RNF115: variants seen among roughly 807,000 people sequenced by gnomAD.
RNF115 encodes ring finger protein 115.
In RNF115, 31 loss-of-function variants were observed where a neutral mutation model predicts 39.2. The observed-to-expected ratio is 0.79, with a 90% CI of 0.59 to 1.07. RNF115 has a LOEUF of 1.07. RNF115 is among the 50% of genes least tolerant of loss of function. The pLI, the probability that RNF115 is intolerant of heterozygous loss-of-function variation, is 0.00. For missense variants in RNF115, 384 were observed against 381.7 expected (o/e 1.01, Z -0.05); for synonymous variants, 124 against 131.0 (o/e 0.95, Z 0.37).
At chr1:145,762,076 G>A (rs587709442) in intron 4 of RNF115, among the ~76,000 whole-genome samples, 29 of 152,312 alleles carry the variant, frequency 1.9e-4, no homozygotes, top group Middle Eastern at 3.4e-3. Flanking sequence ...TGGAATGGCC[G>A]TATTTACGAA....
chr1:145,797,861 C>G (rs1179940102), intron 1 of RNF115, among the ~76,000 whole-genome samples: 6 of 152,116 alleles, frequency 3.9e-5, no homozygotes, highest in Non-Finnish European at 7.4e-5. Flanking sequence ...GAGGTGATAT[C>G]TCATTGTGGT....
At chr1:145,794,241 C>T (rs1215194276) in intron 1 of RNF115, among the ~76,000 whole-genome samples, 5 of 152,064 alleles carry the variant, frequency 3.3e-5, no homozygotes, top group African/African-American at 4.8e-5. Flanking sequence ...TAAAACAGAC[C>T]ATGTCATTAC....
chr1:145,757,211 G>T (rs1256574055), intron 4 of RNF115, among the ~76,000 whole-genome samples: 2 of 152,142 alleles, frequency 1.3e-5, no homozygotes, highest in Middle Eastern at 3.4e-3. Context: ...ACTATAACTT[G>T]ACTACATCTG....
At chr1:145,775,718 C>T (rs587670609) in intron 3 of RNF115, among the ~76,000 whole-genome samples, 1 of 152,136 alleles carries the variant, frequency 6.6e-6, no homozygotes, top group African/African-American at 2.4e-5. Flanking sequence ...TGTAACCGGG[C>T]GCAGTAGCTC....
chr1:145,742,433 TG>T lies in RNF115; in HGVS notation c.*4432del, dbSNP rs1657718000. 6.6e-6 allele frequency: 1 copy of T among 152,232 alleles called. No homozygotes were observed. Among genetic ancestry groups the T allele is most frequent in the East Asian group, 1.9e-4 (1 of 5,214 alleles). 9.4% of individuals were successfully genotyped at this position (152,232 alleles called of 1,614,324 possible). A position where few individuals can be genotyped will look rare whatever the true frequency, so the allele number is the denominator to read the frequency against. Reference sequence around the variant, plus strand: ...CTCAAAGTCATTTATTCTCAACCTTTGGAAATGATTACGTTTTTACCTCCAG... The same window carrying T: ...CTCAAAGTCATTTATTCTCAACCTTTGAAATGATTACGTTTTTACCTCCAG... On this transcript the variant is annotated 3_prime_UTR_variant, in exon 9 of 9. Coordinates refer to ENST00000582693, the MANE Select transcript of RNF115 (RefSeq NM_014455.4).
intron 1 of RNF115, among the ~76,000 whole-genome samples, chr1:145,798,824 C>A (rs183674924): frequency 6.6e-6 from 1 of 152,166 alleles, no homozygotes; most frequent in East Asian, 1.9e-4. Flanking sequence ...TATTTGTATG[C>A]TCTTTAATTC....
chr1:145,815,095 A>G (rs587618905), intron 1 of RNF115, among the ~76,000 whole-genome samples: 2 of 152,420 alleles, frequency 1.3e-5, no homozygotes, highest in East Asian at 3.8e-4. Flanking sequence ...AGTCTTTAAG[A>G]AATCTGCTTT....
At chr1:145,810,802 C>T (rs1328034432) in intron 1 of RNF115, among the ~76,000 whole-genome samples, 6 of 142,924 alleles carry the variant, frequency 4.2e-5, no homozygotes, top group African/African-American at 1.6e-4. Context: ...GTATAATTAC[C>T]AAAGCCTAGA....
At chr1:145,767,803 T>G (rs912129304) in intron 4 of RNF115, among the ~76,000 whole-genome samples, 30 of 152,214 alleles carry the variant, frequency 2.0e-4, no homozygotes, top group African/African-American at 6.5e-4. Context: ...AAACCCCGTC[T>G]CCACCATAAA....
At chr1:145,774,501 C>T (rs1647790080) in intron 3 of RNF115, among the ~76,000 whole-genome samples, 1 of 152,088 alleles carries the variant, frequency 6.6e-6, no homozygotes, top group Non-Finnish European at 1.5e-5. Context: ...AGGCATGTGA[C>T]ACCACGCCCC....
intron 1 of RNF115, among the ~76,000 whole-genome samples, chr1:145,815,094 G>C (rs1342681860): frequency 1.3e-5 from 2 of 152,290 alleles, no homozygotes; most frequent in African/African-American, 4.8e-5. Flanking sequence ...AAGTCTTTAA[G>C]AAATCTGCTT....
intron 4 of RNF115, among the ~76,000 whole-genome samples, chr1:145,767,072 G>T (rs1346495981): frequency 6.8e-6 from 1 of 146,220 alleles, no homozygotes; most frequent in Admixed American, 6.8e-5. Flanking sequence ...GCAGGGGGCT[G>T]ACCCCCCCAC....
At chr1:145,779,155 T>C (rs1275488114) in intron 3 of RNF115, among the ~76,000 whole-genome samples, 1 of 150,186 alleles carries the variant, frequency 6.7e-6, no homozygotes, top group African/African-American at 2.5e-5. Context: ...AATGTAGCCA[T>C]TAAAGAATAT....
chr1:145,795,360 G>C (rs185749789), intron 1 of RNF115, among the ~76,000 whole-genome samples: 1 of 152,228 alleles, frequency 6.6e-6, no homozygotes, highest in East Asian at 1.9e-4. Context: ...AGGGACCCAA[G>C]CTGCTTGCTG....
At chr1:145,819,822 G>A (rs1650155438) in intron 1 of RNF115, among the ~76,000 whole-genome samples, 1 of 152,164 alleles carries the variant, frequency 6.6e-6, no homozygotes, top group Admixed American at 6.5e-5. Context: ...CAGATCACTT[G>A]AGGTCAGGAT....
chr1:145,762,188 C>T (rs1445729631), intron 4 of RNF115, among the ~76,000 whole-genome samples: 1 of 152,174 alleles, frequency 6.6e-6, no homozygotes, highest in Non-Finnish European at 1.5e-5. Context: ...AGACTTTGGA[C>T]TTCAGACTTT....
At chr1:145,779,811 C>T (rs920988510) in intron 3 of RNF115, among the ~76,000 whole-genome samples, 2 of 151,784 alleles carry the variant, frequency 1.3e-5, no homozygotes, top group Admixed American at 6.6e-5. Context: ...TACAGGTGCC[C>T]GCCACCACAC....
chr1:145,799,277 A>C (rs1649120323), intron 1 of RNF115, among the ~76,000 whole-genome samples: 1 of 152,144 alleles, frequency 6.6e-6, no homozygotes, highest in African/African-American at 2.4e-5. Context: ...CATGTTGGCC[A>C]GGATGGTCTC....
intron 1 of RNF115, among the ~76,000 whole-genome samples, chr1:145,810,873 A>T (rs587646902): frequency 0.013 from 1,928 of 145,794 alleles, 20 homozygotes; most frequent in African/African-American, 0.015. Context: ...TTATTTATTT[A>T]TTTTTTTTTT....
Sources: gnomAD v4.1 joint callset for allele counts (sites outside exome capture counted in the v4.1 genomes callset) on GRCh38, gnomAD v4.1.1 for gene constraint, MANE v1.5 for transcripts, NCBI Gene and HGNC (gene_info 2026-07-23, HGNC 2026-07-21) for gene names.